Variants in TANC2 observed in about 807,000 individuals in gnomAD.
The protein encoded by TANC2 is tetratricopeptide repeat, ankyrin repeat and coiled-coil containing 2.
In TANC2, 26 loss-of-function variants were observed where a neutral mutation model predicts 210.5. That is an observed-to-expected ratio of 0.12 (90% CI 0.09 to 0.17). TANC2 has a LOEUF of 0.17. Ranked by LOEUF, TANC2 falls within the 10% of genes least tolerant of loss-of-function variation. TANC2 has a pLI of 1.00. For missense variants in TANC2, 2,129 were observed against 2,608.9 expected, an observed-to-expected ratio of 0.82 and a Z score of 4.01; for synonymous variants, 931 against 967.1, an observed-to-expected ratio of 0.96 and a Z score of 0.69.
At chr17:63,071,057 T>C (rs1187556890) in intron 2 of TANC2, among the ~76,000 whole-genome samples, 2 of 152,182 alleles carry the variant, frequency 1.3e-5, no homozygotes, top group African/African-American at 4.8e-5. Context: ...ACCTTTTCAC[T>C]AAAAAGAAAA....
At chr17:63,087,317 G>A (rs1347859242) in intron 3 of TANC2, among the ~76,000 whole-genome samples, 1 of 152,216 alleles carries the variant, frequency 6.6e-6, no homozygotes, top group Non-Finnish European at 1.5e-5. Context: ...TAGTGTTCAG[G>A]TGTGTGGGAA....
chr17:63,253,166 C>T (rs962943920), intron 8 of TANC2, among the ~76,000 whole-genome samples: 4 of 152,172 alleles, frequency 2.6e-5, no homozygotes, highest in East Asian at 1.9e-4. Context: ...GATAATATCT[C>T]GCTGAAGTTT....
chr17:63,340,281 A>G (rs199687343), exon 12 of TANC2: 48 of 1,613,892 alleles, frequency 3.0e-5, no homozygotes, highest in Non-Finnish European at 3.9e-5. Context: ...TCAAGACCCC[A>G]TGGCCTCCTT....
rs74774476 is a variant in TANC2 at position 63,085,829 on chromosome 17, C to T, written c.139+11815C>T. Among the ~76,000 whole-genome samples the T allele has an allele frequency of 6.0e-4, 91 of 152,242 alleles. 3 individuals are homozygous for T. In the East Asian group the frequency reaches 0.015, roughly 25 times the overall value. On this transcript the variant is annotated intron_variant, in intron 3 of 27. Transcript: ENST00000689528. ...ATTTTTTAAAAAGTCTTTATCTTCA[C>T]GTATTCATTCTCTAAGGCTTATCCT...
At chr17:63,332,671 G>A (rs141766966) in intron 11 of TANC2, 2 of 174,164 alleles carry the variant, frequency 1.1e-5, no homozygotes, top group East Asian at 1.8e-4. Context: ...AATGTAGACA[G>A]AATAGCCTTC....
intron 4 of TANC2, among the ~76,000 whole-genome samples, chr17:63,143,635 G>C (rs536039874): frequency 6.6e-6 from 1 of 152,094 alleles, no homozygotes; most frequent in Non-Finnish European, 1.5e-5. Flanking sequence ...AAATATGCTA[G>C]TATACCTTCT....
At chr17:63,166,241 A>G (rs565802269) in intron 5 of TANC2, among the ~76,000 whole-genome samples, 2 of 152,290 alleles carry the variant, frequency 1.3e-5, no homozygotes, top group South Asian at 4.1e-4. Flanking sequence ...CAAAGTGCCA[A>G]ACTAATGAAT....
At chr17:63,236,768 G>A (rs761919289) in intron 7 of TANC2, among the ~76,000 whole-genome samples, 9 of 152,046 alleles carry the variant, frequency 5.9e-5, no homozygotes, top group African/African-American at 9.6e-5. Context: ...GTGTTTCTGC[G>A]TCTAACTTGT....
chr17:63,221,117 A>C (rs2042176162), intron 7 of TANC2, among the ~76,000 whole-genome samples: 2 of 152,064 alleles, frequency 1.3e-5, no homozygotes, highest in South Asian at 4.1e-4. Context: ...CCAAAATTTA[A>C]AATATTTACT....
At chr17:63,260,943 A>G (rs556172240) in intron 8 of TANC2, among the ~76,000 whole-genome samples, 16 of 152,182 alleles carry the variant, frequency 1.1e-4, no homozygotes, top group Admixed American at 4.6e-4. Flanking sequence ...TAATATAAAT[A>G]ATTGTTGGCT....
At chr17:63,293,145 C>G (rs981460405) in intron 9 of TANC2, among the ~76,000 whole-genome samples, 5 of 152,156 alleles carry the variant, frequency 3.3e-5, no homozygotes, top group Admixed American at 3.3e-4. Flanking sequence ...CCACTCTAGT[C>G]CTATTCCTGA....
At chr17:63,133,134 T>C (rs1370428650) in intron 4 of TANC2, among the ~76,000 whole-genome samples, 1 of 152,072 alleles carries the variant, frequency 6.6e-6, no homozygotes, top group African/African-American at 2.4e-5. Context: ...CCACCACGCC[T>C]GGCTAATTTT....
intron 9 of TANC2, among the ~76,000 whole-genome samples, chr17:63,278,610 G>A (rs1598759924): frequency 6.6e-6 from 1 of 152,248 alleles, no homozygotes. Context: ...ATATGATCCA[G>A]CAATCCCACT....
intron 7 of TANC2, among the ~76,000 whole-genome samples, chr17:63,210,816 A>G (rs909378595): frequency 6.6e-6 from 1 of 152,166 alleles, no homozygotes; most frequent in Admixed American, 6.5e-5. Context: ...TACTGTTTCT[A>G]TGTATTATGT....
At chr17:63,026,781 T>C (rs2034571634) in intron 2 of TANC2, among the ~76,000 whole-genome samples, 1 of 152,198 alleles carries the variant, frequency 6.6e-6, no homozygotes, top group Non-Finnish European at 1.5e-5. Context: ...TTACTCTTAT[T>C]CCAACTTTAG....
intron 4 of TANC2, among the ~76,000 whole-genome samples, chr17:63,145,354 G>A (rs1335981725): frequency 6.6e-6 from 1 of 151,976 alleles, no homozygotes; most frequent in Non-Finnish European, 1.5e-5. Context: ...GATATTCAAA[G>A]GTTTATTTTC....
At chr17:63,117,294 G>C (rs561558958) in intron 4 of TANC2, 1 of 151,960 alleles carries the variant, frequency 6.6e-6, no homozygotes, top group South Asian at 2.1e-4. Flanking sequence ...TCTAACAGAG[G>C]GTGAACTAAA....
At chr17:63,172,197 T>C (rs1043106837) in intron 5 of TANC2, among the ~76,000 whole-genome samples, 149 of 150,952 alleles carry the variant, frequency 9.9e-4, no homozygotes, top group Non-Finnish European at 1.9e-3. Context: ...TCTTTTCTTT[T>C]TTTTTTTTTT....
At chr17:63,102,252 A>G (rs941138603) in intron 4 of TANC2, among the ~76,000 whole-genome samples, 5 of 152,022 alleles carry the variant, frequency 3.3e-5, no homozygotes, top group African/African-American at 1.2e-4. Flanking sequence ...TGGAGCTGCA[A>G]TGAGCTCTGA....
Sources: allele counts gnomAD v4.1 joint callset (sites outside exome capture counted in the v4.1 genomes callset), GRCh38; gene constraint gnomAD v4.1.1; transcripts MANE v1.5; gene names NCBI Gene and HGNC (gene_info 2026-07-23, HGNC 2026-07-21).